Variants in LRRK1 observed in about 807,000 individuals in gnomAD.
LRRK1 encodes leucine rich repeat kinase 1.
LRRK1 carries 113 observed loss-of-function variants against 209.1 expected under a neutral mutation model. The observed-to-expected ratio is 0.54, with a 90% confidence interval of 0.46 to 0.63. LRRK1 has a LOEUF of 0.63. Among genes scored for constraint, LRRK1 ranks in the 30% least tolerant of loss-of-function variants. The pLI, the probability that LRRK1 is intolerant of heterozygous loss-of-function variation, is 0.00. For missense variants in LRRK1, 2,284 were observed against 2,632.2 expected (o/e 0.87, Z 2.89); for synonymous variants, 1,144 against 1,099.7 (o/e 1.04, Z -0.80).
At position 100,987,053 on chromosome 15, in the gene LRRK1, T is replaced by C. The variant is rs932428161; in HGVS notation, c.434-1581T>C. 4.6e-5 allele frequency among the ~76,000 whole-genome samples: 7 copies of C among 152,352 alleles called. No homozygotes were observed. The East Asian group carries it at 1.3e-3, about 29-fold the overall frequency. On this transcript the variant is annotated intron_variant, in intron 4 of 33. Coordinates refer to ENST00000388948, the MANE Select transcript of LRRK1 (RefSeq NM_024652.6). Reference sequence around the variant, plus strand: ...CTGTGTTTCTCTTACCCAGATATTCTTGTGTAAGTGGATTAGGGGTCACTT... The same window carrying C: ...CTGTGTTTCTCTTACCCAGATATTCCTGTGTAAGTGGATTAGGGGTCACTT...
intron 31 of LRRK1, 144 bp from the exon 32 acceptor site, chr15:101,065,208 T>C: frequency 1.1e-6 from 1 of 894,992 alleles, no homozygotes; most frequent in Non-Finnish European, 1.7e-6. Context: ...CCGGCCTTTC[T>C]AAGAGATTTG....
At chr15:100,972,363 A>AGAGAGAGAGAGAGAGAGTGTGTGTGT (rs1176201849) in intron 2 of LRRK1, among the ~76,000 whole-genome samples, 1 of 98,474 alleles carries the variant, frequency 1.0e-5, no homozygotes, top group Non-Finnish European at 1.9e-5. Context: ...AGAGAGAGAG[A>AGAGAGAGAGAGAGAGAGTGTGTGTGT]GTGTGTGTGT....
chr15:101,032,124 T>C (rs1349340320), intron 20 of LRRK1, among the ~76,000 whole-genome samples: 1 of 152,216 alleles, frequency 6.6e-6, no homozygotes, highest in African/African-American at 2.4e-5. Flanking sequence ...TACTTTACAT[T>C]TTCTTCATGA....
intron 2 of LRRK1, among the ~76,000 whole-genome samples, chr15:100,957,322 A>G (rs6598402): frequency 0.93 from 140,899 of 152,246 alleles, 65,241 homozygotes; most frequent in East Asian, 0.99. Flanking sequence ...GGTCTATAGT[A>G]TTATTCAAAT....
rs763378471 is a variant in LRRK1, at chr15:101,034,978, TTTCTC to T, written c.2963+5751_2963+5755del. Among the ~76,000 whole-genome samples, 37 of 152,226 alleles carry T rather than the reference TTTCTC, an allele frequency of 2.4e-4. 1 individual carries two copies. The highest frequency in any genetic ancestry group is 2.1e-4 in the South Asian group (1 of 4,822). ...TTACCAATTTTGGTTATTTGGGTCT[TTTCTC>T]TTCTTGGTTACTCTAGCTAGTGATT... On this transcript the variant is annotated intron_variant, in intron 20 of 33. Coordinates refer to ENST00000388948, the MANE Select transcript of LRRK1 (RefSeq NM_024652.6).
chr15:101,049,745 C>A lies in LRRK1; in HGVS notation c.3401C>A (p.Thr1134Lys), dbSNP rs61733312. The A allele has an allele frequency of 1.9e-6, 3 of 1,614,062 alleles. No individual in the cohort carries two copies. Among genetic ancestry groups the A allele is most frequent in the Non-Finnish European group, 2.5e-6 (3 of 1,179,948 alleles). ...VRDFSAMAFI[T>K]DHVNSLIDQW... is the part of the protein sequence containing the mutation. ...GACTTCTCAGCCATGGCTTTCATCA[C>A]GGACCACGTCAATTCCTTGATTGAT... The change falls in exon 23 of 34, where the codon ACG becomes AAG. Residue 1134 changes from threonine (T) to lysine (K), a missense_variant. Thr to Lys is a moderately conservative substitution (Grantham distance 78). Transcript: ENST00000388948.
intron 2 of LRRK1, among the ~76,000 whole-genome samples, chr15:100,939,576 C>T (rs1373758427): frequency 1.3e-5 from 2 of 152,162 alleles, no homozygotes; most frequent in Admixed American, 6.5e-5. Context: ...TTATAAACGT[C>T]CTAATGGTTT....
In LRRK1 at chr15:101,026,027, G is replaced by GT. The variant is rs1483388261; in HGVS notation, c.2297dup (p.Arg767ProfsTer37). 6.2e-7 allele frequency: 1 copy of GT among 1,614,264 alleles called. No homozygotes were observed. Among genetic ancestry groups the GT allele is most frequent in the Non-Finnish European group, 8.5e-7 (1 of 1,180,046 alleles). On this transcript the variant is annotated frameshift_variant, in exon 17 of 34. Coordinates refer to ENST00000388948, the MANE Select transcript of LRRK1 (RefSeq NM_024652.6). LOFTEE classifies it high-confidence loss of function. ...CGCACCTGGATTTAATTGAAGCCAA[G>GT]TTCCGTGTGGAAAGGATTGCAACGC...
intron 20 of LRRK1, among the ~76,000 whole-genome samples, chr15:101,039,603 C>T (rs74040255): frequency 6.6e-6 from 1 of 152,046 alleles, no homozygotes; most frequent in African/African-American, 2.4e-5. Flanking sequence ...TGCATTGGCT[C>T]GGATCTCTAG....
chr15:101,009,844 C>G (rs1415580228), intron 7 of LRRK1, among the ~76,000 whole-genome samples: 1 of 152,200 alleles, frequency 6.6e-6, no homozygotes, highest in African/African-American at 2.4e-5. Flanking sequence ...CCTCGGCCTC[C>G]CAAAGTGCTG....
At chr15:100,986,090 C>T (rs1331155278) in intron 4 of LRRK1, among the ~76,000 whole-genome samples, 3 of 152,022 alleles carry the variant, frequency 2.0e-5, no homozygotes, top group African/African-American at 4.8e-5. Flanking sequence ...CCTATATTCC[C>T]AGGTACTTGG....
Position 100,956,455 on chromosome 15 carries a change from C to CTTTTTCTTTTCTTTTCTTTTTTTTTTTTT in LRRK1, c.98-17344_98-17343insCTTTTCTTTTCTTTTTTTTTTTTTTTTTT. ...TTCGCTTTTCTTTCCTTTTTTTTTT[C>CTTTTTCTTTTCTTTTCTTTTTTTTTTTTT]TTTTTTTTTTTTTTTTTTGAGACAG... On this transcript the variant is annotated intron_variant, in intron 2 of 33. Coordinates refer to ENST00000388948, the MANE Select transcript of LRRK1 (RefSeq NM_024652.6). 8.3e-5 allele frequency among the ~76,000 whole-genome samples: 5 copies of CTTTTTCTTTTCTTTTCTTTTTTTTTTTTT among 60,526 alleles called. 1 individual carries two copies. Among genetic ancestry groups the CTTTTTCTTTTCTTTTCTTTTTTTTTTTTT allele is most frequent in the East Asian group, 9.3e-4 (2 of 2,142 alleles). The allele number at this position is 60,526 out of a possible 152,430, so 39.7% of individuals were successfully genotyped here. A position where few individuals can be genotyped will look rare whatever the true frequency, so the allele number is the denominator to read the frequency against.
At chr15:101,050,081 G>A (rs1445927185) in intron 23 of LRRK1, among the ~76,000 whole-genome samples, 9 of 152,182 alleles carry the variant, frequency 5.9e-5, no homozygotes, top group African/African-American at 1.9e-4. Flanking sequence ...AGTGGTCCAC[G>A]GAGATGCTCA....
At chr15:100,980,465 C>T (rs1193230149) in intron 3 of LRRK1, among the ~76,000 whole-genome samples, 1 of 152,018 alleles carries the variant, frequency 6.6e-6, no homozygotes, top group African/African-American at 2.4e-5. Context: ...TGAGGGAGAC[C>T]TTTTGATGGA....
chr15:100,922,983 C>T (rs1329193649), intron 1 of LRRK1, among the ~76,000 whole-genome samples: 5 of 152,176 alleles, frequency 3.3e-5, no homozygotes, highest in African/African-American at 1.2e-4. Context: ...TTGTCCTGTA[C>T]CTTACTTCGT....
intron 33 of LRRK1, chr15:101,067,097 C>G (rs1403512742): frequency 2.8e-6 from 1 of 362,796 alleles, no homozygotes; most frequent in Admixed American, 3.6e-5. Flanking sequence ...AAACCCTACC[C>G]GAGGTGTCCA....
rs1325918693 is a variant in LRRK1 at position 101,061,306 on chromosome 15, G to T, written c.4797+18G>T. On this transcript the variant is annotated intron_variant, in intron 30 of 33. Transcript: ENST00000388948. ...CCACCGAGGTAAGCACTGCCCGCAG[G>T]CCTGCCCACCGAGGTAAGCACTGCC... 1.7e-5 allele frequency: 27 copies of T among 1,578,356 alleles called. No individual in the cohort carries two copies. Among genetic ancestry groups the T allele is most frequent in the Non-Finnish European group, 2.3e-5 (27 of 1,149,556 alleles).
intron 29 of LRRK1, among the ~76,000 whole-genome samples, chr15:101,058,655 A>G (rs2035967782): frequency 8.5e-6 from 1 of 118,282 alleles, no homozygotes. Flanking sequence ...GTTTTGCCAA[A>G]GGGAGAGAGG....
chr15:101,067,913 C>T (rs946390141), intron 33 of LRRK1, among the ~76,000 whole-genome samples: 2 of 152,234 alleles, frequency 1.3e-5, no homozygotes, highest in African/African-American at 4.8e-5. Flanking sequence ...CAGATTTTAC[C>T]TCTTTCTCGC....
Sources: allele counts gnomAD v4.1 joint callset (sites outside exome capture counted in the v4.1 genomes callset), GRCh38; gene constraint gnomAD v4.1.1; transcripts MANE v1.5; gene names NCBI Gene and HGNC (gene_info 2026-07-23, HGNC 2026-07-21).